SNX24: variants seen among roughly 807,000 people sequenced by gnomAD.
The protein encoded by SNX24 is sorting nexin-24.
In SNX24, 22 loss-of-function variants were observed where a neutral mutation model predicts 28.7. The observed-to-expected ratio is 0.77, with a 90% CI of 0.55 to 1.10. The LOEUF is 1.10. SNX24 is among the 50% of genes least tolerant of loss of function. SNX24 has a pLI of 0.00. For missense variants in SNX24, 221 were observed against 201.1 expected (o/e 1.10, Z -0.60); for synonymous variants, 69 against 71.5 (o/e 0.96, Z 0.18).
intron 3 of SNX24, among the ~76,000 whole-genome samples, chr5:122,970,909 C>T (rs1368804166): frequency 6.6e-6 from 1 of 152,204 alleles, no homozygotes; most frequent in Admixed American, 6.5e-5. Flanking sequence ...GGCTTATTTC[C>T]AGTACACCCT....
intron 3 of SNX24, among the ~76,000 whole-genome samples, chr5:122,963,010 G>T (rs1273891896): frequency 6.6e-6 from 1 of 152,104 alleles, no homozygotes. Flanking sequence ...AAGGTGGGCG[G>T]ATCACTTGAA....
chr5:122,922,186 G>C (rs778301178), intron 1 of SNX24, among the ~76,000 whole-genome samples: 3 of 152,164 alleles, frequency 2.0e-5, no homozygotes, highest in Non-Finnish European at 4.4e-5. Flanking sequence ...TTTTTCATCA[G>C]ATAACTTTAG....
At position 122,848,109 on chromosome 5, in the gene SNX24, G is replaced by A. The variant is rs558849241; in HGVS notation, c.60+2416G>A. 3.3e-5 allele frequency among the ~76,000 whole-genome samples: 5 copies of A among 152,128 alleles called. No individual in the cohort carries two copies. The South Asian group carries it at 1.0e-3, about 32-fold the overall frequency. On this transcript the variant is annotated intron_variant, in intron 1 of 6. Coordinates refer to ENST00000261369, the MANE Select transcript of SNX24 (RefSeq NM_014035.4). ...CTTTAGCGATTATGTTTGTGTGAAT[G>A]TGTGTTTTTAAGAGCTAGGATCTTG... is the stretch of plus-strand genomic sequence containing the variant.
intron 3 of SNX24, among the ~76,000 whole-genome samples, chr5:122,955,784 C>G (rs1760180351): frequency 6.6e-6 from 1 of 152,168 alleles, no homozygotes; most frequent in Non-Finnish European, 1.5e-5. Context: ...TCCGCTGACA[C>G]CATAAGAGGG....
intron 1 of SNX24, among the ~76,000 whole-genome samples, chr5:122,863,133 T>C (rs1755553949): frequency 6.6e-6 from 1 of 152,188 alleles, no homozygotes; most frequent in South Asian, 2.1e-4. Flanking sequence ...TTAAATTAAA[T>C]ATAGTATCTT....
chr5:122,853,178 A>G (rs1010033978), intron 1 of SNX24, among the ~76,000 whole-genome samples: 1 of 121,428 alleles, frequency 8.2e-6, no homozygotes, highest in Non-Finnish European at 1.6e-5. Flanking sequence ...CCAGGCTGGA[A>G]TGCAGTGGCA....
intron 6 of SNX24, among the ~76,000 whole-genome samples, chr5:123,005,679 T>C (rs991954414): frequency 1.3e-5 from 2 of 152,248 alleles, no homozygotes; most frequent in Non-Finnish European, 2.9e-5. Flanking sequence ...GCCACCGTCA[T>C]GTAATATGTC....
chr5:123,010,028 G>A (rs1762540907), downstream of SNX24, among the ~76,000 whole-genome samples: 1 of 152,182 alleles, frequency 6.6e-6, no homozygotes, highest in Non-Finnish European at 1.5e-5. Context: ...TCTCTATGAG[G>A]TGCGGCCTCA....
At chr5:122,978,817 G>A (rs1213123603) in intron 3 of SNX24, among the ~76,000 whole-genome samples, 1 of 152,188 alleles carries the variant, frequency 6.6e-6, no homozygotes, top group African/African-American at 2.4e-5. Flanking sequence ...ATAAGGCAGA[G>A]CTGAGAAAGA....
intron 1 of SNX24, among the ~76,000 whole-genome samples, chr5:122,861,770 C>G (rs892091394): frequency 1.3e-5 from 2 of 151,832 alleles, no homozygotes; most frequent in African/African-American, 4.8e-5. Flanking sequence ...CCCCTCTTCT[C>G]ATTGATTTTA....
At chr5:123,027,696 C>T (rs2150189077) in intron 5 of SNX24, among the ~76,000 whole-genome samples, 1 of 152,234 alleles carries the variant, frequency 6.6e-6, no homozygotes, top group East Asian at 1.9e-4. Flanking sequence ...TATAAACAAA[C>T]CATTGCAATA....
At chr5:123,003,258 G>A (rs904817358) in intron 6 of SNX24, among the ~76,000 whole-genome samples, 3 of 152,110 alleles carry the variant, frequency 2.0e-5, no homozygotes, top group African/African-American at 7.2e-5. Flanking sequence ...GTAGCACCCC[G>A]ATCAGAGTGA....
intron 5 of SNX24, chr5:123,023,837 C>CACACACACACAG: frequency 6.3e-7 from 1 of 1,592,304 alleles, no homozygotes; most frequent in Non-Finnish European, 8.6e-7. Flanking sequence ...CACACACACA[C>CACACACACACAG]CCCTGCCAAA....
intron 3 of SNX24, among the ~76,000 whole-genome samples, chr5:122,971,612 A>G (rs1242778893): frequency 6.6e-6 from 1 of 152,268 alleles, no homozygotes; most frequent in African/African-American, 2.4e-5. Context: ...GTTATTACAT[A>G]AAGTTAACAT....
chr5:122,882,801 C>T (rs374181461), intron 1 of SNX24, among the ~76,000 whole-genome samples: 2 of 151,936 alleles, frequency 1.3e-5, no homozygotes, highest in East Asian at 3.8e-4. Flanking sequence ...TTTCAGCTCA[C>T]TGGCTTTTAA....
At chr5:122,856,907 T>C (rs1022947882) in intron 1 of SNX24, among the ~76,000 whole-genome samples, 1 of 152,194 alleles carries the variant, frequency 6.6e-6, no homozygotes, top group African/African-American at 2.4e-5. Context: ...CTATTTCCTT[T>C]GGGTCAGGGG....
intron 3 of SNX24, among the ~76,000 whole-genome samples, chr5:122,993,158 C>A (rs375251862): frequency 6.6e-6 from 1 of 151,974 alleles, no homozygotes; most frequent in Non-Finnish European, 1.5e-5. Context: ...CAGTTTTTAC[C>A]AAGGCACAGG....
In SNX24 at chr5:122,857,041, C is replaced by T. The variant is rs933230647; in HGVS notation, c.60+11348C>T. Among the ~76,000 whole-genome samples, 7 of 150,904 alleles carry T rather than the reference C, an allele frequency of 4.6e-5. No homozygotes were observed. The South Asian group carries it at 6.3e-4, about 13-fold the overall frequency. On this transcript the variant is annotated intron_variant, in intron 1 of 6. Coordinates refer to ENST00000261369, the MANE Select transcript of SNX24 (RefSeq NM_014035.4). ...TTCTTTTTTTTTTGAGACGGAGTTT[C>T]GCTCTTATTGCCCAGGCTGGAGTGC...
intron 3 of SNX24, chr5:122,983,199 T>TC (rs976472298): frequency 5.3e-5 from 8 of 151,666 alleles, no homozygotes; most frequent in Non-Finnish European, 1.0e-4. Context: ...TTCAGCCTTT[T>TC]TTTTTTTTGC....
Sources: allele counts gnomAD v4.1 joint callset (sites outside exome capture counted in the v4.1 genomes callset), GRCh38; gene constraint gnomAD v4.1.1; transcripts MANE v1.5; gene names NCBI Gene and HGNC (gene_info 2026-07-23, HGNC 2026-07-21).